Variants in ITPR1 observed in about 807,000 individuals in gnomAD.
ITPR1 encodes inositol 1,4,5-trisphosphate-gated calcium channel ITPR1.
ITPR1 carries 96 observed loss-of-function variants against 318.4 expected under a neutral mutation model. The observed-to-expected ratio is 0.30, with a 90% CI of 0.26 to 0.36. The LOEUF is 0.36. Ranked by LOEUF, ITPR1 falls within the 10% of genes least tolerant of loss-of-function variation. The pLI, the probability that ITPR1 is intolerant of heterozygous loss-of-function variation, is 1.00. For missense variants in ITPR1, 2,440 were observed against 3,460.2 expected (o/e 0.71, Z 7.40); for synonymous variants, 1,312 against 1,289.9 (o/e 1.02, Z -0.37).
intron 4 of ITPR1, among the ~76,000 whole-genome samples, chr3:4,550,673 G>T (rs553166169): frequency 1.2e-4 from 19 of 152,094 alleles, no homozygotes; most frequent in African/African-American, 4.3e-4. Context: ...TGAAACTAGG[G>T]GTTTGAAACC....
chr3:4,671,623 G>C (rs2094086973), intron 20 of ITPR1: 1 of 152,258 alleles, frequency 6.6e-6, no homozygotes, highest in Non-Finnish European at 1.5e-5. Context: ...TGTCTCCTTG[G>C]CTCCAGCTGT....
At chr3:4,527,950 C>G (rs1484014555) in intron 4 of ITPR1, among the ~76,000 whole-genome samples, 2 of 152,168 alleles carry the variant, frequency 1.3e-5, no homozygotes, top group African/African-American at 4.8e-5. Context: ...ACTTTGAAAC[C>G]TCCCAGCAGC....
intron 4 of ITPR1, among the ~76,000 whole-genome samples, chr3:4,539,175 T>C (rs147946825): frequency 7.6e-4 from 116 of 152,364 alleles, no homozygotes; most frequent in African/African-American, 2.5e-3. Context: ...TCTGTTATTT[T>C]TTATACCTAC....
intron 44 of ITPR1, among the ~76,000 whole-genome samples, chr3:4,752,828 C>A (rs1203785856): frequency 1.3e-5 from 2 of 152,194 alleles, no homozygotes; most frequent in Non-Finnish European, 2.9e-5. Flanking sequence ...TTACTGAGCA[C>A]TCCCTGGGTG....
In ITPR1 at chr3:4,680,440, T is replaced by A. The variant is rs2094275310; in HGVS notation, c.2968-113T>A. On this transcript the variant is annotated intron_variant, in intron 24 of 61. Transcript: ENST00000649015. The stretch of plus-strand genomic sequence containing the variant: ...GCCAAATACTTGGCTCACTTAGTGC[T>A]TAAGGTAATTGATGCAGCTGATACC... 3.3e-6 allele frequency: 3 copies of A among 902,472 alleles called. No individual in the cohort carries two copies. In the South Asian group the frequency reaches 4.7e-5, roughly 14 times the overall value. The allele number at this position is 902,472 out of a possible 1,614,324, so 55.9% of individuals were successfully genotyped here.
intron 10 of ITPR1, among the ~76,000 whole-genome samples, chr3:4,651,254 C>A (rs4234561): frequency 0.81 from 123,157 of 152,178 alleles, 50,701 homozygotes; most frequent in East Asian, 1. Flanking sequence ...ATGTTCAGCC[C>A]AAAACTCAAG....
chr3:4,619,847 T>C (rs1448707113), intron 4 of ITPR1, among the ~76,000 whole-genome samples: 1 of 137,762 alleles, frequency 7.3e-6, no homozygotes, highest in East Asian at 2.3e-4. Flanking sequence ...CCCCTCTCCT[T>C]CTCTCTTTTC....
chr3:4,606,385 A>G (rs2091703702), intron 4 of ITPR1, among the ~76,000 whole-genome samples: 1 of 152,154 alleles, frequency 6.6e-6, no homozygotes, highest in African/African-American at 2.4e-5. Context: ...TGGGAATACA[A>G]TTTGTAAACC....
At chr3:4,629,137 G>A (rs921928740) in intron 5 of ITPR1, among the ~76,000 whole-genome samples, 11 of 152,202 alleles carry the variant, frequency 7.2e-5, no homozygotes, top group Admixed American at 5.9e-4. Flanking sequence ...TCCATGCCTG[G>A]ACCCTGCTGC....
chr3:4,630,812 T>C (rs575000824), intron 5 of ITPR1, among the ~76,000 whole-genome samples: 6 of 152,186 alleles, frequency 3.9e-5, no homozygotes, highest in African/African-American at 1.4e-4. Context: ...GGTCTCGAAC[T>C]CCTGACCTCA....
At chr3:4,813,080 T>C (rs1346837703) in intron 56 of ITPR1, 62 bp from the exon 57 acceptor site, 12 of 1,242,676 alleles carry the variant, frequency 9.7e-6, no homozygotes, top group Non-Finnish European at 1.3e-5. Context: ...AATTGGGGAC[T>C]TCAAACATTT....
chr3:4,804,238 C>G (rs149462992), intron 54 of ITPR1, among the ~76,000 whole-genome samples: 2 of 152,118 alleles, frequency 1.3e-5, no homozygotes, highest in African/African-American at 4.8e-5. Flanking sequence ...TACCTGTGGA[C>G]GGAGACAGAG....
In ITPR1 at chr3:4,674,142, G is replaced by C. The variant is rs748894825; in HGVS notation, c.2457-60G>C. On this transcript the variant is annotated intron_variant, in intron 21 of 61. Coordinates refer to ENST00000649015, the MANE Select transcript of ITPR1 (RefSeq NM_001378452.1). ...TTGACTTTTGAAGCTGAGTGACCCA[G>C]GAAGACCTCTCTGGGAATAACTTGA... The C allele has an allele frequency of 1.6e-3, 2,236 of 1,422,784 alleles. 4 individuals carry two copies. The highest frequency in any genetic ancestry group is 2.0e-3 in the Non-Finnish European group (2,115 of 1,047,186). 88.1% of individuals were successfully genotyped at this position (1,422,784 alleles called of 1,614,324 possible). A position where few individuals can be genotyped will look rare whatever the true frequency, so the allele number is the denominator to read the frequency against.
At chr3:4,636,757 T>C (rs1479937885) in intron 5 of ITPR1, among the ~76,000 whole-genome samples, 1 of 152,232 alleles carries the variant, frequency 6.6e-6, no homozygotes, top group Non-Finnish European at 1.5e-5. Flanking sequence ...AGAGAAGTCT[T>C]TAGATATTTA....
chr3:4,520,529 C>T (rs546505787), intron 3 of ITPR1, among the ~76,000 whole-genome samples: 2 of 152,146 alleles, frequency 1.3e-5, no homozygotes, highest in Non-Finnish European at 2.9e-5. Flanking sequence ...CTCAGATGAC[C>T]TCAGGCACAG....
chr3:4,574,836 A>G (rs1336422084), intron 4 of ITPR1, among the ~76,000 whole-genome samples: 1 of 152,218 alleles, frequency 6.6e-6, no homozygotes, highest in Non-Finnish European at 1.5e-5. Flanking sequence ...CAGTCTTACT[A>G]GTCTGTTAGA....
At chr3:4,542,115 C>T (rs1163080552) in intron 4 of ITPR1, among the ~76,000 whole-genome samples, 1 of 152,146 alleles carries the variant, frequency 6.6e-6, no homozygotes, top group African/African-American at 2.4e-5. Context: ...AACGTTTGGT[C>T]ATTCTCATTC....
At chr3:4,735,473 G>A in intron 44 of ITPR1, 119 bp downstream of exon 44, 1 of 778,118 alleles carries the variant, frequency 1.3e-6, no homozygotes, top group Non-Finnish European at 2.1e-6. Flanking sequence ...CATTCTGAGG[G>A]CACAAAATTC....
intron 4 of ITPR1, among the ~76,000 whole-genome samples, chr3:4,577,555 C>G (rs1315358876): frequency 6.6e-6 from 1 of 152,058 alleles, no homozygotes; most frequent in African/African-American, 2.4e-5. Context: ...TAGTGTTGAT[C>G]AACTGATTTG....
Sources: allele counts gnomAD v4.1 joint callset (sites outside exome capture counted in the v4.1 genomes callset), GRCh38; gene constraint gnomAD v4.1.1; transcripts MANE v1.5; gene names NCBI Gene and HGNC (gene_info 2026-07-23, HGNC 2026-07-21).